The following IFI16 variants were observed in gnomAD, a reference collection of about 807,000 sequenced individuals.
The protein encoded by IFI16 is interferon gamma inducible protein 16.
Under a neutral mutation model 68.4 loss-of-function variants are expected in IFI16, and 49 were observed. That is an observed-to-expected ratio of 0.72 (90% confidence interval 0.57 to 0.91). The LOEUF is 0.91. Ranked by LOEUF, IFI16 falls within the 40% of genes least tolerant of loss-of-function variation. The pLI, the probability that IFI16 is intolerant of heterozygous loss-of-function variation, is 0.00. For missense variants in IFI16, 878 were observed against 942.9 expected, an observed-to-expected ratio of 0.93 and a Z score of 0.90; for synonymous variants, 307 against 315.0, an observed-to-expected ratio of 0.97 and a Z score of 0.27.
In IFI16 at chr1:159,051,929, A is replaced by G. The variant is rs147973773; in HGVS notation, c.1916A>G (p.Asn639Ser). 5.1e-5 allele frequency: 82 copies of G among 1,614,116 alleles called. No individual in the cohort carries two copies. In the Admixed American group the frequency reaches 8.7e-4, roughly 17 times the overall value. ...GCCATAGCAAATTATGTTTGCCGCA[A>G]TGGGTTCCTGGAGGTATATCCTTTC... ...IIAIANYVCRNGFLEVYPFTL... is the reference protein window; with the variant it reads ...IIAIANYVCRSGFLEVYPFTL... The change falls in exon 10 of 12, where the codon AAT becomes AGT. Residue 639 changes from asparagine to serine, a missense_variant. By Grantham distance (46) the Asn-to-Ser change is conservative (BLOSUM62 1). This residue lies in a region of IFI16 where 311 missense variants were observed against 305.1 expected (regional missense o/e 1.02). Transcript: ENST00000295809.
chr1:159,032,056 G>A (rs989586994), intron 6 of IFI16, among the ~76,000 whole-genome samples: 6 of 152,124 alleles, frequency 3.9e-5, no homozygotes, highest in Admixed American at 1.3e-4. Context: ...GTACATTATG[G>A]GAAATCAATG....
chr1:159,026,455 C>G (rs1042403468), intron 6 of IFI16, among the ~76,000 whole-genome samples: 1 of 151,986 alleles, frequency 6.6e-6, no homozygotes, highest in Non-Finnish European at 1.5e-5. Flanking sequence ...CTTGCCACCA[C>G]GCCTGGCTAA....
chr1:159,038,517 A>G (rs1654448628), intron 7 of IFI16, among the ~76,000 whole-genome samples: 1 of 152,040 alleles, frequency 6.6e-6, no homozygotes, highest in African/African-American at 2.4e-5. Context: ...GGTGCACGCT[A>G]CCAGGCCTGG....
intron 7 of IFI16, among the ~76,000 whole-genome samples, chr1:159,044,893 G>C (rs1213299097): frequency 6.6e-6 from 1 of 151,904 alleles, no homozygotes; most frequent in African/African-American, 2.4e-5. Context: ...AAGAGCACTT[G>C]AGAGAGACTG....
At chr1:159,021,072 CTGTTGCCATTTTGAATGT>C (rs1437181187) in intron 6 of IFI16, among the ~76,000 whole-genome samples, 1 of 152,168 alleles carries the variant, frequency 6.6e-6, no homozygotes, top group Non-Finnish European at 1.5e-5. Context: ...TGATTTTACG[CTGTTGCCATTTTGAATGT>C]TGTAAATTAT....
chr1:159,005,054 AT>A (rs1652202582), upstream of IFI16, among the ~76,000 whole-genome samples: 1 of 152,164 alleles, frequency 6.6e-6, no homozygotes, highest in Non-Finnish European at 1.5e-5. Flanking sequence ...GATCATGAGA[AT>A]TTCACTCACG....
intron 1 of IFI16, among the ~76,000 whole-genome samples, chr1:159,014,021 C>A (rs12734915): frequency 0.088 from 13,464 of 152,172 alleles, 659 homozygotes; most frequent in Middle Eastern, 0.13. Context: ...CCAATAAAAT[C>A]ATTTCAGTGA....
intron 5 of IFI16, among the ~76,000 whole-genome samples, chr1:159,019,835 G>A (rs1260803966): frequency 3.3e-5 from 5 of 152,190 alleles, no homozygotes; most frequent in African/African-American, 1.2e-4. Flanking sequence ...AAGCTGGAAT[G>A]TTTGAGCTCA....
intron 8 of IFI16, among the ~76,000 whole-genome samples, chr1:159,047,233 G>T (rs1327054198): frequency 6.6e-6 from 1 of 151,202 alleles, no homozygotes; most frequent in Admixed American, 6.6e-5. Context: ...TTGAGAACAG[G>T]CTTTCTACAT....
At chr1:159,038,286 T>C (rs1224876477) in intron 7 of IFI16, among the ~76,000 whole-genome samples, 1 of 152,216 alleles carries the variant, frequency 6.6e-6, no homozygotes, top group Non-Finnish European at 1.5e-5. Context: ...CCTATAGGGT[T>C]GGGTGTTCGA....
intron 11 of IFI16, 95 bp from the exon 12 acceptor site, chr1:159,054,726 A>G (rs1655573923): frequency 1.6e-6 from 1 of 620,502 alleles, no homozygotes; most frequent in South Asian, 2.1e-5. Context: ...GGGAAGAGAT[A>G]TGGTGCAGGG....
intron 10 of IFI16, chr1:159,052,830 ATAT>A (rs1301109639): frequency 6.6e-6 from 1 of 152,200 alleles, no homozygotes; most frequent in Non-Finnish European, 1.5e-5. Context: ...CATCATGTAA[ATAT>A]TATGCTTAGC....
At chr1:159,007,338 C>T (rs1652297250), upstream of IFI16, among the ~76,000 whole-genome samples, 1 of 152,118 alleles carries the variant, frequency 6.6e-6, no homozygotes. Context: ...AGTGGAGAAT[C>T]TGTAAAGAAA....
intron 1 of IFI16, among the ~76,000 whole-genome samples, chr1:159,013,632 G>A (rs7524387): frequency 4.3e-4 from 65 of 152,142 alleles, no homozygotes; most frequent in African/African-American, 1.5e-3. Context: ...TCTGTCCATA[G>A]GGAGACTCTG....
chr1:159,018,744 A>G, intron 5 of IFI16, 93 bp downstream of exon 5: 1 of 892,032 alleles, frequency 1.1e-6, no homozygotes, highest in South Asian at 1.7e-5. Context: ...TATAAACTGG[A>G]TATTAGAATC....
In IFI16 at chr1:159,048,747, T is replaced by C. The variant is rs193289173; in HGVS notation, c.1498-685T>C. Among the ~76,000 whole-genome samples the C allele has an allele frequency of 9.8e-4, 148 of 151,680 alleles. 6 individuals carry two copies. Among genetic ancestry groups the C allele is most frequent in the Non-Finnish European group, 1.2e-3 (79 of 67,712 alleles). The stretch of plus-strand genomic sequence containing the variant: ...TGAATATTTTTTGGACTTCCATTAG[T>C]TTAATTAAAGGTAGTCAAGGTATGT... On this transcript the variant is annotated intron_variant, in intron 8 of 11. Transcript: ENST00000295809.
intron 2 of IFI16, 23 bp downstream of exon 2, chr1:159,014,968 C>G: frequency 6.3e-7 from 1 of 1,578,160 alleles, no homozygotes; most frequent in South Asian, 1.2e-5. Flanking sequence ...AGGGAACACC[C>G]ACTCCCTGCA....
intron 6 of IFI16, among the ~76,000 whole-genome samples, chr1:159,026,959 A>C (rs529261840): frequency 6.2e-4 from 95 of 152,280 alleles, no homozygotes; most frequent in Admixed American, 2.7e-3. Context: ...CTAGGTATAC[A>C]ATCATATCAT....
rs146227934 is a variant in IFI16, at chr1:159,019,309, C to A, written c.972+658C>A. On this transcript the variant is annotated intron_variant, in intron 5 of 11. Transcript: ENST00000295809. Reference sequence around the variant, plus strand: ...AGTGCTTTTCCTGATATGTTCCTGTCCAAATTCATAACCAGTTAGCATGAG... The same window carrying A: ...AGTGCTTTTCCTGATATGTTCCTGTACAAATTCATAACCAGTTAGCATGAG... Among the ~76,000 whole-genome samples the A allele has an allele frequency of 3.5e-3, 534 of 151,896 alleles. 2 individuals carry two copies. Among genetic ancestry groups the A allele is most frequent in the African/African-American group, 0.011 (469 of 41,390 alleles).
Sources: gnomAD v4.1 joint callset for allele counts (sites outside exome capture counted in the v4.1 genomes callset) on GRCh38, gnomAD v4.1.1 for gene constraint, gnomAD v4.1.1 regional missense constraint, MANE v1.5 for transcripts, NCBI Gene and HGNC (gene_info 2026-07-23, HGNC 2026-07-21) for gene names.